The following COPA variants were observed in gnomAD, a reference collection of about 807,000 sequenced individuals.
COPA encodes the protein coat protein complex I subunit alpha.
Under a neutral mutation model 158.7 loss-of-function variants are expected in COPA, and 10 were observed. That is an observed-to-expected ratio of 0.06 (90% CI 0.04 to 0.11). COPA has a LOEUF of 0.11. COPA is among the 10% of genes least tolerant of loss of function. The pLI is 1.00. For synonymous variants in COPA, 462 were observed against 542.8 expected (o/e 0.85, Z 2.07); for missense variants, 1,065 against 1,536.7 (o/e 0.69, Z 5.13).
chr1:160,299,302 G>A, intron 17 of COPA, 38 bp from the exon 18 acceptor site: 2 of 1,571,702 alleles, frequency 1.3e-6, no homozygotes, highest in Non-Finnish European at 1.7e-6. Context: ...AAGTGAGAGG[G>A]AAAATCCATC....
At chr1:160,294,283 G>A (rs975711853) in intron 25 of COPA, among the ~76,000 whole-genome samples, 6 of 152,138 alleles carry the variant, frequency 3.9e-5, no homozygotes, top group Non-Finnish European at 8.8e-5. Flanking sequence ...ATGAGTCACC[G>A]TGCCCAGCCA....
chr1:160,306,025 C>T, intron 15 of COPA: 1 of 579,842 alleles, frequency 1.7e-6, no homozygotes, highest in Non-Finnish European at 3.1e-6. Flanking sequence ...CTGTGTATGT[C>T]TGTTTTCACC....
rs745660172 is a variant in COPA at position 160,291,904 on chromosome 1, C to T, written c.3173G>A (p.Arg1058His). 1 of 1,614,112 alleles carries T rather than the reference C, an allele frequency of 6.2e-7. No individual in the cohort carries two copies. The highest frequency in any genetic ancestry group is 1.1e-5 in the South Asian group (1 of 91,084). The change falls in exon 30 of 33, where the codon CGT becomes CAT. Residue 1058 changes from arginine to histidine, a missense_variant. Arg to His is a conservative substitution (Grantham distance 29). Around this residue, in one of 2 missense-constraint regions of COPA, gnomAD observed 980 missense variants for 1,357.8 expected, o/e 0.72. Transcript: ENST00000241704. ...CACGGACAAACCCACAATGTACTCA[C>T]GGCAAATGGTGATGAGCTGCTGGGC... ...AEAQQLITICREYIVGLSVET... is the reference protein window; with the variant it reads ...AEAQQLITICHEYIVGLSVET...
intron 8 of COPA, among the ~76,000 whole-genome samples, chr1:160,318,468 T>TAAAAAAAAAAAAA (rs71090307): frequency 3.8e-4 from 6 of 15,660 alleles, no homozygotes; most frequent in African/African-American, 9.7e-4. Flanking sequence ...ACAATATTTG[T>TAAAAAAAAAAAAA]AAAAAAAAAA....
intron 19 of COPA, among the ~76,000 whole-genome samples, chr1:160,298,020 A>G (rs912435501): frequency 6.6e-6 from 1 of 152,002 alleles, no homozygotes; most frequent in Non-Finnish European, 1.5e-5. Context: ...TCTACTAAAA[A>G]TACAAAAAAA....
At chr1:160,292,293 G>A in intron 28 of COPA, 95 bp from the exon 29 acceptor site, 1 of 1,552,874 alleles carries the variant, frequency 6.4e-7, no homozygotes. Flanking sequence ...CTACCCTCCT[G>A]TCTCCTGTTA....
chr1:160,330,295 T>C (rs545576987), intron 6 of COPA, among the ~76,000 whole-genome samples: 2 of 152,316 alleles, frequency 1.3e-5, no homozygotes, highest in East Asian at 3.9e-4. Context: ...TCCCTGGTAC[T>C]GGCAGTGAGG....
chr1:160,292,361 C>T (rs965374718), intron 28 of COPA, 123 bp downstream of exon 28: 13 of 1,577,552 alleles, frequency 8.2e-6, no homozygotes, highest in Non-Finnish European at 1.1e-5. Flanking sequence ...AGTAACAAAC[C>T]AAAGATCTTT....
intron 13 of COPA, among the ~76,000 whole-genome samples, chr1:160,308,585 C>T (rs139861031): frequency 3.9e-5 from 6 of 152,338 alleles, no homozygotes; most frequent in Non-Finnish European, 7.3e-5. Flanking sequence ...ATCACAAGGA[C>T]ATCAACAAGG....
rs940845491 is a variant in COPA at position 160,292,545 on chromosome 1, G to A, written c.2899C>T (p.Arg967Cys). 4 of 1,614,052 alleles carry A rather than the reference G, an allele frequency of 2.5e-6. No homozygotes were observed. The highest frequency in any genetic ancestry group is 2.2e-5 in the East Asian group (1 of 44,880). ...CAGGGCAGAGCCTGATAGGTTGTGCGGCCTCGGGCGTATGTCTGTAGGAAC... is the reference window on the plus strand; with the variant it reads ...CAGGGCAGAGCCTGATAGGTTGTGCAGCCTCGGGCGTATGTCTGTAGGAAC... ...QLFLQTYARG[R>C]TTYQALPCLP... The change falls in exon 28 of 33, where the codon CGC becomes TGC. Residue 967 changes from arginine to cysteine, a missense_variant. Arg to Cys is a radical substitution (Grantham distance 180). Coordinates refer to ENST00000241704, the MANE Select transcript of COPA (RefSeq NM_004371.4).
intron 5 of COPA, among the ~76,000 whole-genome samples, chr1:160,332,827 TA>T (rs1196300994): frequency 6.6e-6 from 1 of 152,226 alleles, no homozygotes; most frequent in Non-Finnish European, 1.5e-5. Flanking sequence ...AAAAATATTT[TA>T]AAATATCAAA....
intron 8 of COPA, among the ~76,000 whole-genome samples, chr1:160,319,210 A>C (rs1659253762): frequency 6.6e-6 from 1 of 152,158 alleles, no homozygotes; most frequent in Non-Finnish European, 1.5e-5. Flanking sequence ...TGAAACTGGA[A>C]ACCAGAAAAG....
rs760021738 is a variant in COPA, at chr1:160,291,874, G to A, written c.3203C>T (p.Thr1068Ile). 4.3e-6 allele frequency: 7 copies of A among 1,614,078 alleles called. No homozygotes were observed. Among genetic ancestry groups the A allele is most frequent in the Non-Finnish European group, 5.9e-6 (7 of 1,180,022 alleles). The part of the protein sequence containing the change: ...REYIVGLSVE[T>I]ERKKLPKETL... ...CTCTTTGGGCAGCTTCTTCCTTTCT[G>A]TCTCCACGGACAAACCCACAATGTA... Residue 1068 changes from threonine (T) to isoleucine (I), a missense_variant, in exon 30 of 33, where the codon ACA becomes ATA. By Grantham distance (89) the Thr-to-Ile change is moderately conservative. Around this residue, in one of 2 missense-constraint regions of COPA, gnomAD observed 980 missense variants for 1,357.8 expected, o/e 0.72. Transcript: ENST00000241704.
At chr1:160,294,029 T>C (rs67215453) in intron 25 of COPA, among the ~76,000 whole-genome samples, 13,004 of 152,274 alleles carry the variant, frequency 0.085, 776 homozygotes, top group Non-Finnish European at 0.13. Context: ...GATTACCTCA[T>C]TCTTCTTTCT....
intron 8 of COPA, 23 bp from the exon 9 acceptor site, chr1:160,314,148 T>A: frequency 6.2e-7 from 1 of 1,603,472 alleles, no homozygotes; most frequent in Non-Finnish European, 8.5e-7. Flanking sequence ...AAGAATTAGG[T>A]CATCACAATT....
intron 30 of COPA, 50 bp from the exon 31 acceptor site, chr1:160,291,546 G>A: frequency 1.9e-6 from 3 of 1,590,172 alleles, no homozygotes; most frequent in Non-Finnish European, 2.6e-6. Flanking sequence ...ACACCTGGTA[G>A]AAGTCATTTC....
chr1:160,325,730 A>G (rs780056418), intron 6 of COPA, 78 bp from the exon 7 acceptor site: 35 of 997,804 alleles, frequency 3.5e-5, no homozygotes, highest in East Asian at 7.2e-5. Flanking sequence ...AAACACAGAA[A>G]TTACAGTGAA....
chr1:160,334,386 AGGTAGAT>A (rs1169173130), intron 4 of COPA, among the ~76,000 whole-genome samples: 4 of 152,192 alleles, frequency 2.6e-5, no homozygotes, highest in Non-Finnish European at 5.9e-5. Context: ...GTAACTTTCC[AGGTAGAT>A]GGCAACTTGT....
chr1:160,307,058 G>C (rs745844803), intron 14 of COPA, 105 bp downstream of exon 14: 2 of 1,118,606 alleles, frequency 1.8e-6, no homozygotes, highest in African/African-American at 3.1e-5. Context: ...TGAGAATCAC[G>C]GCTGCCCGGG....
Sources: gnomAD v4.1 joint callset for allele counts (sites outside exome capture counted in the v4.1 genomes callset) on GRCh38, gnomAD v4.1.1 for gene constraint, gnomAD v4.1.1 regional missense constraint, MANE v1.5 for transcripts, NCBI Gene and HGNC (gene_info 2026-07-23, HGNC 2026-07-21) for gene names.